The following ANO2 variants were observed in gnomAD, a reference collection of about 807,000 sequenced individuals.
ANO2 encodes the protein anoctamin-2.
A neutral mutation model predicts 124.2 loss-of-function variants in ANO2; 101 were observed. The ratio of observed to expected loss-of-function variants is 0.81; its 90% CI spans 0.69 to 0.96. ANO2 has a LOEUF of 0.96. Among genes scored for constraint, ANO2 ranks in the 40% least tolerant of loss-of-function variants. ANO2 has a pLI of 0.00. For synonymous variants in ANO2, 486 were observed against 482.5 expected (o/e 1.01, Z -0.09); for missense variants, 1,293 against 1,274.5 (o/e 1.01, Z -0.22).
chr12:5,720,514 C>A (rs1229047713), intron 14 of ANO2, among the ~76,000 whole-genome samples: 1 of 152,108 alleles, frequency 6.6e-6, no homozygotes, highest in Non-Finnish European at 1.5e-5. Flanking sequence ...ATCATTTAAA[C>A]CAAAAAAAGA....
rs200903880 is a variant in ANO2 at position 5,922,786 on chromosome 12, C to G, written c.41G>C (p.Gly14Ala). 1.7e-4 allele frequency: 262 copies of G among 1,533,320 alleles called. No individual in the cohort carries two copies. In the African/African-American group the frequency reaches 3.3e-3, roughly 19 times the overall value. 95.0% of individuals were successfully genotyped at this position (1,533,320 alleles called of 1,614,324 possible). A position where few individuals can be genotyped will look rare whatever the true frequency, so the allele number is the denominator to read the frequency against. ...PGPRDIPLLP[G>A]SPRRLSPQAG... ...CTGAGGGCTCAGCCGGCGTGGGGAGCCAGGGAGCAGGGGTATATCTGTGAG... is the reference window on the plus strand; with the variant it reads ...CTGAGGGCTCAGCCGGCGTGGGGAGGCAGGGAGCAGGGGTATATCTGTGAG... The change falls in exon 2 of 25, where the codon GGC becomes GCC. Residue 14 changes from glycine to alanine, a missense_variant. Transcript: ENST00000682330.
intron 14 of ANO2, among the ~76,000 whole-genome samples, chr12:5,671,488 G>A (rs1242351738): frequency 1.3e-5 from 2 of 150,856 alleles, no homozygotes; most frequent in African/African-American, 2.4e-5. Flanking sequence ...GGAAGGAACT[G>A]TGTGGGGGGT....
At chr12:5,608,471 A>C (rs1424989336) in intron 19 of ANO2, among the ~76,000 whole-genome samples, 2 of 152,012 alleles carry the variant, frequency 1.3e-5, no homozygotes, top group African/African-American at 4.8e-5. Flanking sequence ...ACATCTTTTG[A>C]AAGAGGGGTG....
chr12:5,914,071 G>GCA (rs1565774465), intron 3 of ANO2, among the ~76,000 whole-genome samples: 3 of 152,100 alleles, frequency 2.0e-5, no homozygotes, highest in Non-Finnish European at 4.4e-5. Flanking sequence ...ATGGTGTTGT[G>GCA]CACCTGTAAT....
At chr12:5,627,938 T>TA (rs35997233) in intron 16 of ANO2, among the ~76,000 whole-genome samples, 5,756 of 145,444 alleles carry the variant, frequency 0.04, 134 homozygotes, top group Middle Eastern at 0.063. Flanking sequence ...TACAAAAAGT[T>TA]AAAAAAAAAA....
At position 5,900,842 on chromosome 12, in the gene ANO2, G is replaced by A. The variant is rs1404760738; in HGVS notation, c.534+20198C>T. ...AGAGTCAAGGCCAAGAGGGCAGGAA[G>A]GCGTCTCCTTGTTCTCGGCTCAGGA... On this transcript the variant is annotated intron_variant, in intron 3 of 24. Coordinates refer to ENST00000682330, the MANE Select transcript of ANO2 (RefSeq NM_001364791.2). This position sits in a 1 kb window ranked among gnomAD's most constrained non-coding sequence, Gnocchi z 4.2. Among the ~76,000 whole-genome samples the A allele has an allele frequency of 6.6e-6, 1 of 152,224 alleles. No individual in the cohort carries two copies. The highest frequency in any genetic ancestry group is 2.4e-5 in the African/African-American group (1 of 41,458).
chr12:5,728,696 A>G (rs1273400457), intron 14 of ANO2, among the ~76,000 whole-genome samples: 1 of 152,232 alleles, frequency 6.6e-6, no homozygotes, highest in Non-Finnish European at 1.5e-5. Context: ...CAATTTTGAA[A>G]AAAAAGTACA....
chr12:5,772,066 T>C (rs946024682), intron 10 of ANO2, among the ~76,000 whole-genome samples: 36 of 152,222 alleles, frequency 2.4e-4, no homozygotes, highest in African/African-American at 8.7e-4. Context: ...TATTGAATAT[T>C]GCTTTACTTT....
chr12:5,656,328 A>G (rs1947152006), intron 14 of ANO2, among the ~76,000 whole-genome samples: 1 of 152,200 alleles, frequency 6.6e-6, no homozygotes, highest in Non-Finnish European at 1.5e-5. Context: ...CTCAAATGTC[A>G]CAAAAAGAAT....
At chr12:5,579,948 G>T (rs1348847532) in intron 20 of ANO2, among the ~76,000 whole-genome samples, 1 of 152,126 alleles carries the variant, frequency 6.6e-6, no homozygotes, top group Non-Finnish European at 1.5e-5. Flanking sequence ...CCACCACCCT[G>T]TGTTCAGGCT....
At chr12:5,642,224 C>T (rs59599244) in intron 15 of ANO2, among the ~76,000 whole-genome samples, 3,446 of 152,186 alleles carry the variant, frequency 0.023, 132 homozygotes, top group African/African-American at 0.079. Flanking sequence ...AGCAGTGTCC[C>T]GGGACTTGGT....
intron 14 of ANO2, among the ~76,000 whole-genome samples, chr12:5,714,782 T>C (rs992535728): frequency 1.3e-5 from 2 of 152,228 alleles, no homozygotes; most frequent in African/African-American, 2.4e-5. Flanking sequence ...CAACGTGCGA[T>C]AGTTAAGAAT....
At chr12:5,882,413 A>T (rs1426528383) in intron 3 of ANO2, among the ~76,000 whole-genome samples, 2 of 152,174 alleles carry the variant, frequency 1.3e-5, no homozygotes, top group Non-Finnish European at 2.9e-5. Flanking sequence ...CTACTTGAGG[A>T]AGAGAATTTT....
chr12:5,940,316 T>G (rs1377059693), intron 1 of ANO2, among the ~76,000 whole-genome samples: 1 of 152,242 alleles, frequency 6.6e-6, no homozygotes, highest in Non-Finnish European at 1.5e-5. Flanking sequence ...CATTTGAATT[T>G]AGATAGATTG....
Position 5,612,720 on chromosome 12 carries a change from G to T in ANO2, c.2023C>A (p.Gln675Lys), listed in dbSNP as rs1242974431. Residue 675 changes from glutamine to lysine, a missense_variant, in exon 19 of 25, where the codon CAG becomes AAG. Transcript: ENST00000682330. The stretch of plus-strand genomic sequence containing the variant: ...TTCCCCAACATGATGATGCTGAGCT[G>T]AATGCAGAGCTCCATGAGACAGCCC... ...PGGCLMELCI[Q>K]LSIIMLGKQL... 3.1e-6 allele frequency: 5 copies of T among 1,613,964 alleles called. No individual in the cohort carries two copies. Among genetic ancestry groups the T allele is most frequent in the Non-Finnish European group, 3.4e-6 (4 of 1,179,878 alleles).
chr12:5,815,939 T>C lies in ANO2; in HGVS notation c.893-8571A>G, dbSNP rs192247281. 1.5e-4 allele frequency among the ~76,000 whole-genome samples: 23 copies of C among 152,216 alleles called. No individual in the cohort carries two copies. The East Asian group carries it at 4.2e-3, about 28-fold the overall frequency. On this transcript the variant is annotated intron_variant, in intron 7 of 24. Transcript: ENST00000682330. Reference sequence around the variant, plus strand: ...ATTGTCTACAAAGAAAAAAGAGACATTACTAGATAAACAGGAGTGTTTCCA... The same window carrying C: ...ATTGTCTACAAAGAAAAAAGAGACACTACTAGATAAACAGGAGTGTTTCCA...
chr12:5,826,005 A>G (rs1450583261), intron 7 of ANO2, among the ~76,000 whole-genome samples: 1 of 152,266 alleles, frequency 6.6e-6, no homozygotes, highest in Non-Finnish European at 1.5e-5. Flanking sequence ...GCCAATTGTC[A>G]TGAGTATTTC....
At chr12:5,753,130 A>G (rs368648310) in intron 10 of ANO2, among the ~76,000 whole-genome samples, 13 of 152,326 alleles carry the variant, frequency 8.5e-5, no homozygotes, top group African/African-American at 3.1e-4. Context: ...TCACAGAAAC[A>G]GTCTGTGGTC....
intron 3 of ANO2, among the ~76,000 whole-genome samples, chr12:5,886,505 T>C (rs1478176511): frequency 6.6e-6 from 1 of 152,216 alleles, no homozygotes; most frequent in East Asian, 1.9e-4. Flanking sequence ...ACATAGTGGC[T>C]ACAGTCAACA....
Sources: allele counts gnomAD v4.1 joint callset (sites outside exome capture counted in the v4.1 genomes callset), GRCh38; gene constraint gnomAD v4.1.1; non-coding constraint Gnocchi (gnomAD v3.1); transcripts MANE v1.5; gene names NCBI Gene and HGNC (gene_info 2026-07-23, HGNC 2026-07-21).